The following SMARCAD1 variants were observed in gnomAD, a reference collection of about 807,000 sequenced individuals.
SMARCAD1 encodes the protein SNF2 related chromatin remodeling ATPase with DExD box 1, also known as SWI/SNF-related matrix-associated actin-dependent regulator of chromatin subfamily A containing DEAD/H box 1.
SMARCAD1 carries 25 observed loss-of-function variants against 127.1 expected under a neutral mutation model. The ratio of observed to expected loss-of-function variants is 0.20; its 90% CI spans 0.14 to 0.27. The LOEUF (loss-of-function observed/expected upper bound fraction) is 0.27, where lower values mean the gene tolerates loss of function less well. Ranked by LOEUF, SMARCAD1 falls within the 10% of genes least tolerant of loss-of-function variation. The pLI is 1.00. For missense variants in SMARCAD1, 807 were observed against 1,206.0 expected (o/e 0.67, Z 4.90); for synonymous variants, 400 against 396.9 (o/e 1.01, Z -0.09).
chr4:94,240,469 A>G (rs1747407899), intron 5 of SMARCAD1, among the ~76,000 whole-genome samples: 1 of 152,202 alleles, frequency 6.6e-6, no homozygotes, highest in African/African-American at 2.4e-5. Context: ...AAATGAAACA[A>G]TAGTTTATAA....
Position 94,278,934 on chromosome 4 carries a change from AAC to A in SMARCAD1, c.2306_2307del (p.Thr769ArgfsTer26). On this transcript the variant is annotated frameshift_variant, in exon 19 of 24. Transcript: ENST00000354268. LOFTEE classifies it high-confidence loss of function. ...GTGTTCTCTTTGAGTCACAGAAAAA[AAC>A]ACAGAAATGTGCAATGTCATGATGC... is the stretch of plus-strand genomic sequence containing the variant. Reference protein sequence around the residue: ...LKKSINNLEKNTEMCNVMMQL... With the variant: ...LKKSINNLEKXTEMCNVMMQL... 1 of 1,613,988 alleles carries A rather than the reference AAC, an allele frequency of 6.2e-7. No individual in the cohort carries two copies. Among genetic ancestry groups the A allele is most frequent in the Non-Finnish European group, 8.5e-7 (1 of 1,179,918 alleles).
chr4:94,271,368 A>C (rs568929431), intron 11 of SMARCAD1, among the ~76,000 whole-genome samples: 1 of 152,116 alleles, frequency 6.6e-6, no homozygotes, highest in Non-Finnish European at 1.5e-5. Flanking sequence ...TGAGTTCACA[A>C]AGTTTGTTAT....
chr4:94,263,488 A>G (rs1751316448), intron 9 of SMARCAD1, among the ~76,000 whole-genome samples: 1 of 152,056 alleles, frequency 6.6e-6, no homozygotes, highest in Admixed American at 6.5e-5. Flanking sequence ...TTAGTATTTA[A>G]CAGTGCCATT....
intron 8 of SMARCAD1, among the ~76,000 whole-genome samples, chr4:94,252,071 C>T (rs530075342): frequency 3.3e-5 from 5 of 152,186 alleles, no homozygotes; most frequent in Admixed American, 3.3e-4. Flanking sequence ...AGGCTGGTCT[C>T]GAACTCCTGA....
rs760625348 is a variant in SMARCAD1 at position 94,273,714 on chromosome 4, T to C, written c.1670T>C (p.Ile557Thr). The C allele has an allele frequency of 1.9e-6, 3 of 1,610,538 alleles. No homozygotes were observed. Among genetic ancestry groups the C allele is most frequent in the Non-Finnish European group, 2.5e-6 (3 of 1,176,926 alleles). The change falls in exon 12 of 24, where the codon ATA becomes ACA. Residue 557 changes from isoleucine to threonine, a missense_variant and splice_region_variant. By Grantham distance (89) the Ile-to-Thr change is moderately conservative. Around this residue, in one of 8 missense-constraint regions of SMARCAD1, gnomAD observed 148 missense variants for 313.2 expected, o/e 0.47. Coordinates refer to ENST00000354268, the MANE Select transcript of SMARCAD1 (RefSeq NM_020159.5). The part of the protein sequence containing the change: ...PHLIVVPAST[I>T]DNWLREVNLW... ...TTGATCGTTGTTCCAGCTTCAACTA[T>C]AGGTTTGTAATACTGGAGACAACTG... is the stretch of plus-strand genomic sequence containing the variant.
chr4:94,231,953 C>T (rs1043198459), intron 3 of SMARCAD1, among the ~76,000 whole-genome samples: 4 of 152,058 alleles, frequency 2.6e-5, no homozygotes, highest in African/African-American at 7.2e-5. Flanking sequence ...CCTCTGCTTC[C>T]TGGGGTCAGA....
intron 14 of SMARCAD1, among the ~76,000 whole-genome samples, chr4:94,275,647 A>C (rs1191256862): frequency 6.6e-6 from 1 of 152,086 alleles, no homozygotes; most frequent in Non-Finnish European, 1.5e-5. Flanking sequence ...TAAAATATTA[A>C]GTTTTAAAGA....
At chr4:94,274,528 G>A (rs1045568438) in intron 12 of SMARCAD1, among the ~76,000 whole-genome samples, 2 of 152,074 alleles carry the variant, frequency 1.3e-5, no homozygotes, top group South Asian at 2.1e-4. Flanking sequence ...TGTTGGCCAG[G>A]CTGGTATCAA....
rs1251411902 is a variant in SMARCAD1 at position 94,226,086 on chromosome 4, C to CA, written c.191-29dup. On this transcript the variant is annotated intron_variant, in intron 2 of 23. Coordinates refer to ENST00000354268, the MANE Select transcript of SMARCAD1 (RefSeq NM_020159.5). ...ACAACAGATTCGTTTTCCAGTTGCT[C>CA]AAAATATTTTTCTCCTTTTTATTCT... 5 of 1,561,642 alleles carry CA rather than the reference C, an allele frequency of 3.2e-6. No individual in the cohort carries two copies. In the African/African-American group the frequency reaches 6.8e-5, roughly 21 times the overall value.
At chr4:94,274,669 A>T in intron 12 of SMARCAD1, 69 bp from the exon 13 acceptor site, 1 of 1,382,386 alleles carries the variant, frequency 7.2e-7, no homozygotes, top group Non-Finnish European at 1.0e-6. Context: ...GTCAAAGTTT[A>T]GTGTTAATTT....
At chr4:94,270,984 T>G (rs1199645367) in intron 11 of SMARCAD1, among the ~76,000 whole-genome samples, 166 bp downstream of exon 11, 1 of 152,192 alleles carries the variant, frequency 6.6e-6, no homozygotes, top group African/African-American at 2.4e-5. Context: ...AGTTCTACCC[T>G]CCTCACTCCT....
intron 8 of SMARCAD1, 27 bp from the exon 9 acceptor site, chr4:94,252,589 G>C (rs758871813): frequency 7.0e-7 from 1 of 1,422,284 alleles, no homozygotes; most frequent in Non-Finnish European, 9.5e-7. Flanking sequence ...TTCTAATTTA[G>C]TTACTGTTTT....
Position 94,284,346 on chromosome 4 carries a change from A to G in SMARCAD1, c.2910-614A>G, listed in dbSNP as rs868063995. ...CGTCTCAAAAAAAAAAAAAAAAAAAAAAAAAAAGAAAAAAGTAATTTCCAT... is the reference window on the plus strand; with the variant it reads ...CGTCTCAAAAAAAAAAAAAAAAAAAGAAAAAAAGAAAAAAGTAATTTCCAT... On this transcript the variant is annotated intron_variant, in intron 22 of 23. Transcript: ENST00000354268. 5.9e-4 allele frequency among the ~76,000 whole-genome samples: 59 copies of G among 99,732 alleles called. 3 individuals are homozygous for G. Among genetic ancestry groups the G allele is most frequent in the East Asian group, 2.0e-3 (5 of 2,556 alleles). The allele number at this position is 99,732 out of a possible 152,430, so 65.4% of individuals were successfully genotyped here.
At chr4:94,277,884 A>G (rs776824904) in intron 16 of SMARCAD1, among the ~76,000 whole-genome samples, 4 of 152,188 alleles carry the variant, frequency 2.6e-5, no homozygotes, top group Non-Finnish European at 5.9e-5. Context: ...ACCATTTTCT[A>G]TCTTCAGTTC....
chr4:94,282,945 G>T (rs1043012121), intron 21 of SMARCAD1, among the ~76,000 whole-genome samples, 176 bp from the exon 22 acceptor site: 1 of 152,140 alleles, frequency 6.6e-6, no homozygotes, highest in Non-Finnish European at 1.5e-5. Context: ...TCGTAGAAAA[G>T]AAGTTGGGGA....
intron 2 of SMARCAD1, among the ~76,000 whole-genome samples, chr4:94,223,744 T>C: frequency 1.0e-5 from 1 of 97,886 alleles, no homozygotes; most frequent in African/African-American, 3.2e-5. Flanking sequence ...ATTTTTTTTT[T>C]TTTTTTTTTT....
rs1205474418 is a variant in SMARCAD1 at position 94,270,753 on chromosome 4, G to A, written c.1507G>A (p.Val503Ile). Reference protein sequence around the residue: ...QSLSLKPYQKVGLNWLALVHK... With the variant: ...QSLSLKPYQKIGLNWLALVHK... ...TTTGTCACTCAAGCCCTATCAGAAG[G>A]TTGGTTTGAATTGGCTGGCATTGGT... is the stretch of plus-strand genomic sequence containing the variant. The change falls in exon 11 of 24, where the codon GTT becomes ATT. Residue 503 changes from valine (V) to isoleucine (I), a missense_variant. Val to Ile is a conservative substitution (Grantham distance 29). Transcript: ENST00000354268. 3 of 1,613,558 alleles carry A rather than the reference G, an allele frequency of 1.9e-6. No homozygotes were observed. Among genetic ancestry groups the A allele is most frequent in the East Asian group, 2.2e-5 (1 of 44,768 alleles).
intron 19 of SMARCAD1, among the ~76,000 whole-genome samples, chr4:94,279,615 C>A (rs1318863084): frequency 6.6e-6 from 1 of 152,148 alleles, no homozygotes; most frequent in Non-Finnish European, 1.5e-5. Context: ...GGACTGCTTT[C>A]TCACTACAGG....
intron 7 of SMARCAD1, among the ~76,000 whole-genome samples, chr4:94,250,307 A>C (rs536554201): frequency 2.6e-5 from 4 of 152,170 alleles, no homozygotes; most frequent in African/African-American, 9.6e-5. Context: ...TTACACTTGC[A>C]CTGATTTATT....
Sources: allele counts gnomAD v4.1 joint callset (sites outside exome capture counted in the v4.1 genomes callset), GRCh38; gene constraint gnomAD v4.1.1; regional missense constraint gnomAD v4.1.1; transcripts MANE v1.5; gene names NCBI Gene and HGNC (gene_info 2026-07-23, HGNC 2026-07-21).